The following DACH2 variants were observed in gnomAD, a reference collection of about 807,000 sequenced individuals.
DACH2 encodes dachshund homolog 2.
Under a neutral mutation model 35.8 loss-of-function variants are expected in DACH2, and 17 were observed. That is an observed-to-expected ratio of 0.48 (90% confidence interval 0.33 to 0.71). The LOEUF is 0.71. Ranked by LOEUF, DACH2 falls within the 30% of genes least tolerant of loss-of-function variation. The pLI is 0.02. For synonymous variants in DACH2, 195 were observed against 177.3 expected, an observed-to-expected ratio of 1.10 and a Z score of -0.79; for missense variants, 469 against 472.7, an observed-to-expected ratio of 0.99 and a Z score of 0.07.
chrX:86,694,778 G>C (rs894406275), intron 4 of DACH2, among the ~76,000 whole-genome samples: 1 of 111,579 alleles, frequency 9.0e-6, no homozygotes. Flanking sequence ...TTCCAGATTT[G>C]TTGAGACTAC....
In DACH2 at chrX:86,397,655, G is replaced by T. The variant is rs767005825; in HGVS notation, c.527+20793G>T. ...CTGCATCTATTGAGGTAATCATGTGGTTTTTGTCTTTGGTTCTGTTTATAT... is the reference window on the plus strand; with the variant it reads ...CTGCATCTATTGAGGTAATCATGTGTTTTTTGTCTTTGGTTCTGTTTATAT... On this transcript the variant is annotated intron_variant, in intron 2 of 11. Transcript: ENST00000373125. 5.4e-5 allele frequency among the ~76,000 whole-genome samples: 6 copies of T among 111,852 alleles called. No homozygotes were observed. The South Asian group carries it at 1.5e-3, about 28-fold the overall frequency.
At chrX:86,735,851 GT>G (rs2041589321) in intron 6 of DACH2, among the ~76,000 whole-genome samples, 1 of 111,439 alleles carries the variant, frequency 9.0e-6, no homozygotes, top group Non-Finnish European at 1.9e-5. Context: ...AGATTTGCAA[GT>G]TTCCTTTTTA....
At chrX:86,777,431 G>A (rs1277277476) in intron 7 of DACH2, among the ~76,000 whole-genome samples, 2 of 110,881 alleles carry the variant, frequency 1.8e-5, no homozygotes, top group African/African-American at 6.6e-5. Context: ...GGTTATCAGT[G>A]GTTTCAGGGA....
intron 1 of DACH2, among the ~76,000 whole-genome samples, chrX:86,346,772 C>T (rs1028879930): frequency 1.8e-5 from 2 of 111,650 alleles, no homozygotes; most frequent in African/African-American, 6.5e-5. Context: ...TGAAACCTTA[C>T]GGAAGAAATG....
chrX:86,605,855 A>C (rs2039851172), intron 3 of DACH2, among the ~76,000 whole-genome samples: 1 of 109,949 alleles, frequency 9.1e-6, no homozygotes, highest in South Asian at 3.8e-4. Flanking sequence ...TGTTGATGTC[A>C]CAGGCATTCA....
chrX:86,348,341 C>A (rs192908500), intron 1 of DACH2, among the ~76,000 whole-genome samples: 16 of 112,244 alleles, frequency 1.4e-4, no homozygotes, highest in African/African-American at 5.2e-4. Context: ...TCTGATTAGA[C>A]TTAAACATTC....
intron 1 of DACH2, among the ~76,000 whole-genome samples, chrX:86,314,917 G>T (rs780860187): frequency 8.9e-6 from 1 of 112,532 alleles, no homozygotes; most frequent in East Asian, 2.8e-4. Flanking sequence ...ATAAAACAGC[G>T]AGGTGAAGCA....
intron 2 of DACH2, among the ~76,000 whole-genome samples, chrX:86,461,974 A>C (rs951330317): frequency 9.0e-6 from 1 of 111,277 alleles, no homozygotes; most frequent in South Asian, 3.7e-4. Context: ...AGAACTTCTT[A>C]GCAAGAAGAT....
At chrX:86,292,190 T>G (rs1322382303) in intron 1 of DACH2, among the ~76,000 whole-genome samples, 2 of 85,371 alleles carry the variant, frequency 2.3e-5, no homozygotes, top group Non-Finnish European at 4.4e-5. Flanking sequence ...CCATTTCTTC[T>G]AGATTTTCTA....
At chrX:86,831,772 G>A (rs1189751310) in intron 11 of DACH2, 1 of 122,371 alleles carries the variant, frequency 8.2e-6, no homozygotes, top group Non-Finnish European at 1.5e-5. Flanking sequence ...TAAACCACAG[G>A]GATGGTATTT....
At chrX:86,406,316 C>T (rs1214380593) in intron 2 of DACH2, among the ~76,000 whole-genome samples, 2 of 111,576 alleles carry the variant, frequency 1.8e-5, no homozygotes, top group Non-Finnish European at 3.8e-5. Flanking sequence ...CATATTTTCA[C>T]TTATAAATGG....
chrX:86,368,229 C>A (rs994182933), intron 1 of DACH2, among the ~76,000 whole-genome samples: 2 of 111,815 alleles, frequency 1.8e-5, no homozygotes, highest in African/African-American at 6.5e-5. Flanking sequence ...TTACTGTATA[C>A]CAGGAAATCA....
Position 86,550,966 on chromosome X carries a change from G to T in DACH2, c.640+36575G>T, listed in dbSNP as rs368835280. On this transcript the variant is annotated intron_variant, in intron 3 of 11. Transcript: ENST00000373125. ...ATATGGCTTCAGTGTCCTTTCAGTG[G>T]CAAGAAATGAAAGGTTTGTTCCTCA... Among the ~76,000 whole-genome samples, 28 of 111,655 alleles carry T rather than the reference G, an allele frequency of 2.5e-4. No homozygotes were observed. In the East Asian group the frequency reaches 2.5e-3, roughly 10 times the overall value.
chrX:86,629,432 G>T (rs1385860270), intron 3 of DACH2, among the ~76,000 whole-genome samples: 1 of 110,967 alleles, frequency 9.0e-6, no homozygotes, highest in Non-Finnish European at 1.9e-5. Flanking sequence ...TCACCCTAGG[G>T]CAGAGTGCAA....
chrX:86,222,348 T>G (rs952517306), intron 1 of DACH2, among the ~76,000 whole-genome samples: 2 of 111,875 alleles, frequency 1.8e-5, no homozygotes, highest in Non-Finnish European at 3.8e-5. Context: ...TGTATAAAAG[T>G]AAGGATCTGC....
chrX:86,303,017 G>T (rs966438928), intron 1 of DACH2, among the ~76,000 whole-genome samples: 1 of 105,275 alleles, frequency 9.5e-6, no homozygotes, highest in Non-Finnish European at 1.9e-5. Context: ...TTGCAGATGA[G>T]AAACTGAAGC....
intron 11 of DACH2, chrX:86,828,037 AG>A: frequency 5.9e-5 from 2 of 33,659 alleles, no homozygotes; most frequent in Middle Eastern, 0.023. Context: ...TCTTTCAAGG[AG>A]TTAGTTCATA....
chrX:86,787,549 C>T (rs1000493991), intron 7 of DACH2, among the ~76,000 whole-genome samples: 6 of 104,426 alleles, frequency 5.7e-5, no homozygotes, highest in Non-Finnish European at 1.2e-4. Context: ...ACCCAGGAGG[C>T]GGAGGTTGCA....
intron 1 of DACH2, among the ~76,000 whole-genome samples, chrX:86,329,425 C>G (rs765373736): frequency 2.1e-4 from 23 of 111,385 alleles, no homozygotes; most frequent in Non-Finnish European, 3.8e-4. Context: ...CTTCCCTGCT[C>G]CCCTCCCTTT....
Sources: gnomAD v4.1 joint callset for allele counts (sites outside exome capture counted in the v4.1 genomes callset) on GRCh38, gnomAD v4.1.1 for gene constraint, MANE v1.5 for transcripts, NCBI Gene and HGNC (gene_info 2026-07-23, HGNC 2026-07-21) for gene names.